The following ADCY2 variants were observed in gnomAD, a reference collection of about 807,000 sequenced individuals.
ADCY2 encodes adenylate cyclase type 2.
ADCY2 carries 31 observed loss-of-function variants against 125.2 expected under a neutral mutation model. The observed-to-expected ratio is 0.25, with a 90% CI of 0.19 to 0.33. The LOEUF is 0.33. Among genes scored for constraint, ADCY2 ranks in the 10% least tolerant of loss-of-function variants. ADCY2 has a pLI of 1.00. For synonymous variants in ADCY2, 512 were observed against 548.4 expected, an observed-to-expected ratio of 0.93 and a Z score of 0.93; for missense variants, 904 against 1,418.2, an observed-to-expected ratio of 0.64 and a Z score of 5.82.
chr5:7,437,867 G>A (rs909891672), intron 2 of ADCY2, among the ~76,000 whole-genome samples: 2 of 152,214 alleles, frequency 1.3e-5, no homozygotes, highest in Non-Finnish European at 2.9e-5. Flanking sequence ...AATGACAGCA[G>A]TGTGCAAATT....
At chr5:7,537,027 TA>T (rs1297728193) in intron 3 of ADCY2, among the ~76,000 whole-genome samples, 1 of 14,904 alleles carries the variant, frequency 6.7e-5, no homozygotes, top group East Asian at 0.017. Context: ...TAATTCTGTA[TA>T]TCCTATAGAA....
intron 2 of ADCY2, among the ~76,000 whole-genome samples, chr5:7,427,691 A>G (rs967484123): frequency 2.0e-5 from 3 of 152,160 alleles, no homozygotes; most frequent in Admixed American, 2.0e-4. Flanking sequence ...TCTTATTTCC[A>G]AATAAGGTCA....
chr5:7,723,068 A>G (rs10474818), intron 12 of ADCY2, among the ~76,000 whole-genome samples: 147,443 of 151,462 alleles, frequency 0.97, 71,884 homozygotes, highest in Middle Eastern at 1. Flanking sequence ...AGTACCACAT[A>G]TTCTCCCTTA....
intron 17 of ADCY2, among the ~76,000 whole-genome samples, chr5:7,769,014 A>C (rs1303641423): frequency 2.6e-5 from 4 of 152,192 alleles, no homozygotes; most frequent in Admixed American, 2.0e-4. Context: ...ATTTCTCTCA[A>C]ACCCTATGTT....
At chr5:7,599,717 T>G (rs1454072410) in intron 3 of ADCY2, among the ~76,000 whole-genome samples, 1 of 152,098 alleles carries the variant, frequency 6.6e-6, no homozygotes, top group Non-Finnish European at 1.5e-5. Flanking sequence ...CTAGAGGGTT[T>G]CAAGGTGTGT....
chr5:7,715,128 A>G (rs181642309), intron 11 of ADCY2, among the ~76,000 whole-genome samples: 7 of 152,330 alleles, frequency 4.6e-5, no homozygotes, highest in East Asian at 3.9e-4. Context: ...TATCCTCTCC[A>G]TGGCAGAGGT....
At chr5:7,713,487 G>A (rs923615093) in intron 11 of ADCY2, among the ~76,000 whole-genome samples, 2 of 140,892 alleles carry the variant, frequency 1.4e-5, no homozygotes, top group African/African-American at 5.1e-5. Context: ...GAGTGAAACT[G>A]TGTCTCAGAA....
At chr5:7,826,526 C>T (rs1269820163) in intron 24 of ADCY2, 193 bp from the exon 25 acceptor site, 17 of 703,258 alleles carry the variant, frequency 2.4e-5, no homozygotes, top group East Asian at 2.0e-4. Context: ...ACTATCCCAG[C>T]GCTGAATTAA....
intron 12 of ADCY2, among the ~76,000 whole-genome samples, chr5:7,720,977 C>G (rs1185819719): frequency 1.3e-5 from 2 of 152,206 alleles, no homozygotes. Context: ...GCCACACTGT[C>G]TTCCACAATG....
At chr5:7,398,004 T>C (rs1326655978) in intron 1 of ADCY2, among the ~76,000 whole-genome samples, 2 of 152,200 alleles carry the variant, frequency 1.3e-5, no homozygotes, top group African/African-American at 4.8e-5. Flanking sequence ...CTCAGTCTCA[T>C]GGGCAAGCAG....
intron 2 of ADCY2, among the ~76,000 whole-genome samples, chr5:7,462,130 A>T (rs904353014): frequency 2.6e-5 from 4 of 152,186 alleles, no homozygotes; most frequent in African/African-American, 9.7e-5. Context: ...GAGCAAGTGG[A>T]ATTGTCTACA....
intron 14 of ADCY2, among the ~76,000 whole-genome samples, chr5:7,733,068 T>C (rs1742151997): frequency 6.6e-6 from 1 of 152,228 alleles, no homozygotes; most frequent in South Asian, 2.1e-4. Flanking sequence ...TCTGCCAAAC[T>C]AAATGGATTA....
intron 2 of ADCY2, among the ~76,000 whole-genome samples, chr5:7,500,875 T>G (rs761458828): frequency 6.6e-5 from 10 of 152,094 alleles, no homozygotes; most frequent in Non-Finnish European, 1.5e-4. Flanking sequence ...TTAAAGAAAC[T>G]GGGATCCTTG....
chr5:7,667,522 T>C (rs909009408), intron 4 of ADCY2, among the ~76,000 whole-genome samples: 2 of 152,104 alleles, frequency 1.3e-5, no homozygotes, highest in Non-Finnish European at 2.9e-5. Context: ...AACATGATAA[T>C]ATCCCCTTCC....
chr5:7,465,204 A>G (rs1272116697), intron 2 of ADCY2, among the ~76,000 whole-genome samples: 1 of 152,208 alleles, frequency 6.6e-6, no homozygotes, highest in Non-Finnish European at 1.5e-5. Flanking sequence ...AAACCATATC[A>G]TTATCTTTCC....
At chr5:7,670,571 C>T (rs1391317373) in intron 4 of ADCY2, among the ~76,000 whole-genome samples, 2 of 152,132 alleles carry the variant, frequency 1.3e-5, no homozygotes, top group African/African-American at 4.8e-5. Context: ...AATATGTGCA[C>T]ACATGCATGT....
intron 14 of ADCY2, among the ~76,000 whole-genome samples, chr5:7,737,187 T>C (rs1742275242): frequency 6.6e-6 from 1 of 152,136 alleles, no homozygotes; most frequent in Admixed American, 6.5e-5. Flanking sequence ...CGAAAGGGAA[T>C]TTAATATAAA....
At chr5:7,480,861 C>G (rs1742703639) in intron 2 of ADCY2, among the ~76,000 whole-genome samples, 1 of 152,178 alleles carries the variant, frequency 6.6e-6, no homozygotes, top group Non-Finnish European at 1.5e-5. Flanking sequence ...ATATGTACCA[C>G]ATTTTCTTTA....
At chr5:7,553,527 A>G (rs1434028913) in intron 3 of ADCY2, among the ~76,000 whole-genome samples, 1 of 152,268 alleles carries the variant, frequency 6.6e-6, no homozygotes, top group Admixed American at 6.5e-5. Context: ...GGCAGACTAC[A>G]AAACAATAGC....
Sources: allele counts gnomAD v4.1 joint callset (sites outside exome capture counted in the v4.1 genomes callset), GRCh38; gene constraint gnomAD v4.1.1; transcripts MANE v1.5; gene names NCBI Gene and HGNC (gene_info 2026-07-23, HGNC 2026-07-21).